Variants in TRABD2B observed in about 807,000 individuals in gnomAD.
The protein encoded by TRABD2B is TraB domain containing 2B, also known as metalloprotease TIKI2.
Under a neutral mutation model 40.1 loss-of-function variants are expected in TRABD2B, and 14 were observed. That is an observed-to-expected ratio of 0.35 (90% CI 0.23 to 0.55). The LOEUF is 0.55. Ranked by LOEUF, TRABD2B falls within the 20% of genes least tolerant of loss-of-function variation. The probability of loss-of-function intolerance (pLI) is 0.90; values close to 1 mark genes in which losing one functional copy is unlikely to be tolerated. For synonymous variants in TRABD2B, 263 were observed against 277.0 expected, an observed-to-expected ratio of 0.95 and a Z score of 0.50; for missense variants, 541 against 648.6, an observed-to-expected ratio of 0.83 and a Z score of 1.80.
At chr1:47,807,171 G>A (rs1007494754) in intron 2 of TRABD2B, among the ~76,000 whole-genome samples, 2 of 152,198 alleles carry the variant, frequency 1.3e-5, no homozygotes, top group African/African-American at 4.8e-5. Flanking sequence ...AACTGGAAGT[G>A]AAGACTGCCA....
intron 2 of TRABD2B, among the ~76,000 whole-genome samples, chr1:47,934,479 T>G (rs898403534): frequency 3.9e-5 from 6 of 152,242 alleles, no homozygotes; most frequent in Non-Finnish European, 7.3e-5. Context: ...CAGGAGGCCT[T>G]GGCTGCCAGC....
At chr1:47,867,840 C>A (rs1309898532) in intron 2 of TRABD2B, among the ~76,000 whole-genome samples, 2 of 152,160 alleles carry the variant, frequency 1.3e-5, no homozygotes, top group Non-Finnish European at 2.9e-5. Context: ...CAGAGTGTTG[C>A]AAAATGTGGC....
intron 4 of TRABD2B, among the ~76,000 whole-genome samples, chr1:47,781,258 G>C (rs191668719): frequency 7.4e-4 from 113 of 152,350 alleles, no homozygotes; most frequent in African/African-American, 2.7e-3. Context: ...CAAAGACAAG[G>C]CCTCCCAGCC....
intron 2 of TRABD2B, among the ~76,000 whole-genome samples, chr1:47,919,344 T>C (rs1431082820): frequency 5.3e-5 from 8 of 152,360 alleles, no homozygotes; most frequent in African/African-American, 1.7e-4. Context: ...CCAAGGAGAC[T>C]GAAACATCTC....
intron 2 of TRABD2B, among the ~76,000 whole-genome samples, chr1:47,880,839 C>T (rs994428572): frequency 4.6e-5 from 7 of 152,216 alleles, no homozygotes; most frequent in African/African-American, 1.4e-4. Flanking sequence ...AAAGGTTATG[C>T]TTGGGCCCCC....
At chr1:47,967,700 T>A (rs1436166355) in intron 2 of TRABD2B, among the ~76,000 whole-genome samples, 1 of 152,136 alleles carries the variant, frequency 6.6e-6, no homozygotes, top group Non-Finnish European at 1.5e-5. Context: ...TAGAAAATAA[T>A]AGCAGCCTAG....
chr1:47,940,708 C>A (rs1645174086), intron 2 of TRABD2B, among the ~76,000 whole-genome samples: 1 of 152,228 alleles, frequency 6.6e-6, no homozygotes, highest in Non-Finnish European at 1.5e-5. Flanking sequence ...ACCTTGCCAT[C>A]CAGCTTCGAC....
intron 2 of TRABD2B, among the ~76,000 whole-genome samples, chr1:47,839,888 T>C (rs891469083): frequency 2.6e-5 from 4 of 152,156 alleles, no homozygotes; most frequent in Non-Finnish European, 5.9e-5. Context: ...GAGCTGGACA[T>C]GGGCAGTGTT....
intron 4 of TRABD2B, among the ~76,000 whole-genome samples, chr1:47,793,032 C>T (rs1250472082): frequency 6.6e-6 from 1 of 152,138 alleles, no homozygotes; most frequent in Non-Finnish European, 1.5e-5. Flanking sequence ...TCCTGACTCA[C>T]ACCGAGCTCC....
chr1:47,949,604 C>T (rs1479380567), intron 2 of TRABD2B, among the ~76,000 whole-genome samples: 1 of 151,508 alleles, frequency 6.6e-6, no homozygotes, highest in Non-Finnish European at 1.5e-5. Context: ...GACAAGGTTT[C>T]ACTATGTTGG....
chr1:47,969,427 G>T (rs1300622356), intron 2 of TRABD2B, among the ~76,000 whole-genome samples: 2 of 152,176 alleles, frequency 1.3e-5, no homozygotes, highest in African/African-American at 4.8e-5. Flanking sequence ...ACTCACAAGG[G>T]CTCAGTTAAG....
chr1:47,949,919 G>C (rs1645316731), intron 2 of TRABD2B, among the ~76,000 whole-genome samples: 1 of 152,150 alleles, frequency 6.6e-6, no homozygotes, highest in Non-Finnish European at 1.5e-5. Context: ...CATTCCAGTG[G>C]GAGAGACAAA....
At chr1:47,775,886 C>T (rs561495721) in intron 5 of TRABD2B, among the ~76,000 whole-genome samples, 1 of 152,138 alleles carries the variant, frequency 6.6e-6, no homozygotes, top group East Asian at 1.9e-4. Context: ...CAGCAGGTGA[C>T]ATTTGAGCCC....
rs570487220 is a variant in TRABD2B, at chr1:47,826,065, A to G, written c.667-24446T>C. On this transcript the variant is annotated intron_variant, in intron 2 of 6. Coordinates refer to ENST00000606738, the MANE Select transcript of TRABD2B (RefSeq NM_001194986.2). ...TGCTCAGGAAACATTTATTTACCCA[A>G]TGGCAGTTGGGCAAGTGAGGTTGGA... is the stretch of plus-strand genomic sequence containing the variant. 7.9e-4 allele frequency among the ~76,000 whole-genome samples: 121 copies of G among 152,300 alleles called. 1 individual carries two copies. Among genetic ancestry groups the G allele is most frequent in the Non-Finnish European group, 1.4e-3 (93 of 68,018 alleles).
chr1:47,833,860 G>T (rs1645282310), intron 2 of TRABD2B, among the ~76,000 whole-genome samples: 1 of 152,210 alleles, frequency 6.6e-6, no homozygotes, highest in Non-Finnish European at 1.5e-5. Context: ...AGACAAAAAT[G>T]GTCAGAATAA....
intron 2 of TRABD2B, chr1:47,820,382 T>G (rs376747930): frequency 6.6e-6 from 1 of 152,392 alleles, no homozygotes; most frequent in African/African-American, 2.4e-5. Flanking sequence ...CAAGTGAAAT[T>G]GCTTACTTTA....
At chr1:47,783,038 G>T (rs911139743) in intron 4 of TRABD2B, among the ~76,000 whole-genome samples, 4 of 152,098 alleles carry the variant, frequency 2.6e-5, no homozygotes, top group African/African-American at 9.7e-5. Flanking sequence ...ACCATGGGGT[G>T]GGGGGGTTGC....
chr1:47,783,601 A>C (rs766631678), intron 4 of TRABD2B, among the ~76,000 whole-genome samples: 1 of 152,240 alleles, frequency 6.6e-6, no homozygotes, highest in Non-Finnish European at 1.5e-5. Context: ...CCTTGAGAGA[A>C]GCCAGGGTCC....
intron 4 of TRABD2B, among the ~76,000 whole-genome samples, chr1:47,785,631 C>A (rs1313004730): frequency 6.6e-6 from 1 of 152,234 alleles, no homozygotes; most frequent in Admixed American, 6.5e-5. Context: ...CAAGCCCAGG[C>A]ATGGCACGGG....
Sources: gnomAD v4.1 joint callset for allele counts (sites outside exome capture counted in the v4.1 genomes callset) on GRCh38, gnomAD v4.1.1 for gene constraint, MANE v1.5 for transcripts, NCBI Gene and HGNC (gene_info 2026-07-23, HGNC 2026-07-21) for gene names.